SIM1: variants seen among roughly 807,000 people sequenced by gnomAD.
The protein encoded by SIM1 is SIM bHLH transcription factor 1.
In SIM1, 18 loss-of-function variants were observed where a neutral mutation model predicts 78.2. That is an observed-to-expected ratio of 0.23 (90% CI 0.16 to 0.34). The LOEUF is 0.34. Ranked by LOEUF, SIM1 falls within the 10% of genes least tolerant of loss-of-function variation. The pLI, the probability that SIM1 is intolerant of heterozygous loss-of-function variation, is 1.00. For missense variants in SIM1, 939 were observed against 975.1 expected, an observed-to-expected ratio of 0.96 and a Z score of 0.49; for synonymous variants, 417 against 385.2, an observed-to-expected ratio of 1.08 and a Z score of -0.97.
At chr6:100,421,454 C>A (rs956138865) in intron 9 of SIM1, among the ~76,000 whole-genome samples, 1 of 152,150 alleles carries the variant, frequency 6.6e-6, no homozygotes, top group Non-Finnish European at 1.5e-5. Context: ...AGTTCAGTTC[C>A]TTTAGGTACA....
intron 10 of SIM1, among the ~76,000 whole-genome samples, chr6:100,420,389 C>G (rs1317558304): frequency 6.6e-6 from 1 of 152,114 alleles, no homozygotes; most frequent in Non-Finnish European, 1.5e-5. Flanking sequence ...TTTGCCTCCC[C>G]CTCTTAATTT....
intron 6 of SIM1, among the ~76,000 whole-genome samples, chr6:100,449,129 G>A (rs1760931900): frequency 6.6e-6 from 1 of 152,158 alleles, no homozygotes; most frequent in South Asian, 2.1e-4. Context: ...CAAGTTCATA[G>A]CCCCCGCGGC....
intron 3 of SIM1, 113 bp from the exon 4 acceptor site, chr6:100,450,469 A>G: frequency 2.2e-6 from 2 of 892,114 alleles, no homozygotes; most frequent in East Asian, 2.4e-5. Flanking sequence ...GATGGAGTGG[A>G]GCAGGTTTGG....
At chr6:100,458,912 A>T (rs1431748887) in intron 2 of SIM1, among the ~76,000 whole-genome samples, 1 of 152,204 alleles carries the variant, frequency 6.6e-6, no homozygotes, top group African/African-American at 2.4e-5. Flanking sequence ...AAAATTTTAA[A>T]ATTTCACGGA....
rs2114456121 is a variant in SIM1 at position 100,389,490 on chromosome 6, A to G, written c.*871T>C. On this transcript the variant is annotated 3_prime_UTR_variant, in exon 12 of 12. Coordinates refer to ENST00000369208, the MANE Select transcript of SIM1 (RefSeq NM_005068.3). The stretch of plus-strand genomic sequence containing the variant: ...TTGGTTTTACAAGCAAACCCCAAAT[A>G]TGTTGTTTACTTATGCTGAGCCCTT... 1 of 397,230 alleles carries G rather than the reference A, an allele frequency of 2.5e-6. No individual in the cohort carries two copies. The highest frequency in any genetic ancestry group is 4.4e-6 in the Non-Finnish European group (1 of 225,518). 24.6% of individuals were successfully genotyped at this position (397,230 alleles called of 1,614,324 possible).
chr6:100,446,973 T>A (rs1354376729), intron 9 of SIM1, among the ~76,000 whole-genome samples: 2 of 152,252 alleles, frequency 1.3e-5, no homozygotes, highest in African/African-American at 4.8e-5. Flanking sequence ...CCGCATTAAG[T>A]TTTATTTAAT....
At chr6:100,449,780 C>T in intron 4 of SIM1, 81 bp from the exon 5 acceptor site, 1 of 1,185,626 alleles carries the variant, frequency 8.4e-7, no homozygotes, top group East Asian at 2.4e-5. Context: ...AGGGGATCTG[C>T]AGGACCATGA....
At chr6:100,402,128 G>C (rs1770929670) in intron 10 of SIM1, among the ~76,000 whole-genome samples, 6 of 152,144 alleles carry the variant, frequency 3.9e-5, no homozygotes, top group Admixed American at 3.9e-4. Context: ...GTACAGATAT[G>C]TATGTGTCAT....
chr6:100,443,518 A>G (rs1772268721), intron 9 of SIM1, among the ~76,000 whole-genome samples: 1 of 152,122 alleles, frequency 6.6e-6, no homozygotes, highest in African/African-American at 2.4e-5. Context: ...ATCATTTAGA[A>G]CTTTCTATCC....
intron 2 of SIM1, among the ~76,000 whole-genome samples, chr6:100,458,402 A>G (rs2114555395): frequency 6.6e-6 from 1 of 152,110 alleles, no homozygotes; most frequent in East Asian, 2.0e-4. Flanking sequence ...TACTTGGCGC[A>G]GGGACTCGGA....
At chr6:100,446,222 T>C (rs1312008194) in intron 9 of SIM1, among the ~76,000 whole-genome samples, 4 of 152,152 alleles carry the variant, frequency 2.6e-5, no homozygotes, top group Non-Finnish European at 2.9e-5. Context: ...ATTTGGCAAT[T>C]TAAAACAACG....
At chr6:100,461,691 A>G (rs1772851859) in intron 2 of SIM1, among the ~76,000 whole-genome samples, 1 of 152,192 alleles carries the variant, frequency 6.6e-6, no homozygotes, top group South Asian at 2.1e-4. Context: ...CTGACAGTAT[A>G]AAAGACAACG....
intron 10 of SIM1, among the ~76,000 whole-genome samples, chr6:100,419,662 G>T (rs9386140): frequency 0.035 from 5,372 of 151,696 alleles, 242 homozygotes; most frequent in East Asian, 0.21. Flanking sequence ...TTGTTTTTTT[G>T]AGATAGAGTC....
Position 100,413,550 on chromosome 6 carries a change from G to A in SIM1, c.1167+7240C>T, listed in dbSNP as rs74439429. On this transcript the variant is annotated intron_variant, in intron 10 of 11. Transcript: ENST00000369208. The stretch of plus-strand genomic sequence containing the variant: ...TAGAAAACTAATGCGACTAAATCTA[G>A]CCATCCATTTACTTAATTTTTGTGA... Among the ~76,000 whole-genome samples, 1,216 of 151,912 alleles carry A rather than the reference G, an allele frequency of 8.0e-3. 16 individuals carry two copies. The highest frequency in any genetic ancestry group is 0.028 in the African/African-American group (1,161 of 41,446).
In SIM1 at chr6:100,448,644, TG is replaced by T; in HGVS notation, c.577del (p.Gln193SerfsTer48). The T allele has an allele frequency of 6.2e-7, 1 of 1,613,158 alleles. No individual in the cohort carries two copies. The highest frequency in any genetic ancestry group is 8.5e-7 in the Non-Finnish European group (1 of 1,179,984). On this transcript the variant is annotated frameshift_variant, in exon 7 of 12. Transcript: ENST00000369208. LOFTEE classifies it high-confidence loss of function. ...GAAGGGGGACATGTCCAGGCTGTAC[TG>T]GCGGATCTTCAAGTAGCCGCTGCAG... ...IHCSGYLKIR[Q>X]YSLDMSPFDG... is the part of the protein sequence containing the mutation.
intron 4 of SIM1, among the ~76,000 whole-genome samples, chr6:100,450,044 G>C (rs867020052): frequency 1.3e-5 from 2 of 152,232 alleles, no homozygotes; most frequent in Middle Eastern, 3.4e-3. Flanking sequence ...TTGACGTAGG[G>C]ACTCAAAAAA....
chr6:100,425,769 C>T (rs1352388689), intron 9 of SIM1, among the ~76,000 whole-genome samples: 1 of 152,178 alleles, frequency 6.6e-6, no homozygotes, highest in Non-Finnish European at 1.5e-5. Context: ...TGGTGAGGCA[C>T]TTTCTGGTAT....
intron 10 of SIM1, among the ~76,000 whole-genome samples, chr6:100,397,976 C>T (rs1333023365): frequency 6.6e-6 from 1 of 152,082 alleles, no homozygotes; most frequent in Non-Finnish European, 1.5e-5. Context: ...TCACGATACA[C>T]CTATCAGGCT....
chr6:100,462,125 A>G (rs1772872252), intron 2 of SIM1, among the ~76,000 whole-genome samples: 1 of 152,162 alleles, frequency 6.6e-6, no homozygotes, highest in Non-Finnish European at 1.5e-5. Context: ...TGCAAACCCA[A>G]TAATGACTGT....
Sources: gnomAD v4.1 joint callset for allele counts (sites outside exome capture counted in the v4.1 genomes callset) on GRCh38, gnomAD v4.1.1 for gene constraint, MANE v1.5 for transcripts, NCBI Gene and HGNC (gene_info 2026-07-23, HGNC 2026-07-21) for gene names.